Variants in GPC3 observed in about 807,000 individuals in gnomAD.
GPC3 encodes glypican-3.
A neutral mutation model predicts 34.4 loss-of-function variants in GPC3; 3 were observed. That is an observed-to-expected ratio of 0.09 (90% CI 0.04 to 0.23). The LOEUF (loss-of-function observed/expected upper bound fraction) is 0.23, where lower values mean the gene tolerates loss of function less well. Ranked by LOEUF, GPC3 falls within the 10% of genes least tolerant of loss-of-function variation. The probability of loss-of-function intolerance (pLI) is 1.00; values close to 1 mark genes in which losing one functional copy is unlikely to be tolerated. For missense variants in GPC3, 351 were observed against 445.6 expected (o/e 0.79, Z 1.91); for synonymous variants, 177 against 174.0 (o/e 1.02, Z -0.13).
At chrX:133,785,838 A>G (rs1032555681) in intron 2 of GPC3, among the ~76,000 whole-genome samples, 2 of 112,348 alleles carry the variant, frequency 1.8e-5, no homozygotes, top group Non-Finnish European at 3.8e-5. Flanking sequence ...TCAGGAAATT[A>G]AAGTTCAACG....
intron 2 of GPC3, among the ~76,000 whole-genome samples, chrX:133,888,574 C>T (rs1239235476): frequency 1.8e-5 from 2 of 112,095 alleles, no homozygotes; most frequent in Non-Finnish European, 3.8e-5. Context: ...TCCACAACCT[C>T]TCCAGCATCT....
rs149209315 is a variant in GPC3, at chrX:133,536,154, C to T, written c.1713G>A (p.Ser571=). 4.0e-5 allele frequency: 48 copies of T among 1,205,669 alleles called. No individual in the cohort carries two copies. The African/African-American group carries it at 7.6e-4, about 19-fold the overall frequency. ...PLKLLTSMAI[S]VVCFFFLVH is the part of the protein sequence containing the mutation. ...GCACCAGGAAGAAGAAGCACACCAC[C>T]GAGATGGCCATGCTGGTGAGAAGCT... The change falls in exon 8 of 8, where the codon TCG becomes TCA. Residue 571 remains serine, a synonymous_variant. Transcript: ENST00000370818.
intron 2 of GPC3, among the ~76,000 whole-genome samples, chrX:133,807,051 C>G (rs757293254): frequency 9.9e-5 from 11 of 111,588 alleles, no homozygotes. Context: ...TCATCAAGAC[C>G]AGGTGATAGA....
chrX:133,685,641 C>T (rs1294569893), intron 5 of GPC3, among the ~76,000 whole-genome samples: 3 of 110,433 alleles, frequency 2.7e-5, no homozygotes, highest in Non-Finnish European at 5.7e-5. Context: ...GAGGCAGATT[C>T]ACCACAATTT....
At chrX:133,895,561 G>A (rs1171287954) in intron 2 of GPC3, among the ~76,000 whole-genome samples, 1 of 111,455 alleles carries the variant, frequency 9.0e-6, no homozygotes, top group Admixed American at 9.6e-5. Flanking sequence ...GCAGGGCCCT[G>A]ATGACAATTT....
intron 2 of GPC3, among the ~76,000 whole-genome samples, chrX:133,878,104 G>A (rs560385192): frequency 9.9e-5 from 11 of 111,435 alleles, no homozygotes; most frequent in African/African-American, 3.3e-4. Context: ...ATTTGTAAAC[G>A]CTGAGATAAT....
At chrX:133,714,345 T>C (rs1424058958) in intron 3 of GPC3, among the ~76,000 whole-genome samples, 1 of 111,878 alleles carries the variant, frequency 8.9e-6, no homozygotes, top group Non-Finnish European at 1.9e-5. Flanking sequence ...GGAAAGCATA[T>C]CTTGAAAAAA....
At position 133,785,482 on chromosome X, in the gene GPC3, T is replaced by C. The variant is rs140211210; in HGVS notation, c.338-31306A>G. On this transcript the variant is annotated intron_variant, in intron 2 of 7. Transcript: ENST00000370818. The stretch of plus-strand genomic sequence containing the variant: ...TTTTGAGGACTAAATGAGAGATCGA[T>C]AAGTAGGTAGATAGCTAGACAGACA... 4.5e-5 allele frequency among the ~76,000 whole-genome samples: 5 copies of C among 111,921 alleles called. No individual in the cohort carries two copies. The East Asian group carries it at 1.1e-3, about 25-fold the overall frequency.
At chrX:133,956,297 C>T (rs2076416020) in intron 1 of GPC3, among the ~76,000 whole-genome samples, 2 of 112,403 alleles carry the variant, frequency 1.8e-5, no homozygotes, top group African/African-American at 3.2e-5. Flanking sequence ...AAGCTTAAAG[C>T]TTTATGATTA....
chrX:133,890,629 G>A (rs1329947304), intron 2 of GPC3, among the ~76,000 whole-genome samples: 4 of 110,064 alleles, frequency 3.6e-5, no homozygotes, highest in Admixed American at 9.8e-5. Context: ...AGGCCGACGC[G>A]GGTGGATCAT....
intron 2 of GPC3, among the ~76,000 whole-genome samples, chrX:133,829,566 A>T (rs1222738753): frequency 3.6e-5 from 4 of 112,202 alleles, no homozygotes; most frequent in Non-Finnish European, 5.6e-5. Context: ...AAGTCAGGAC[A>T]CAAAACAATT....
At chrX:133,981,745 A>T (rs2076540254) in intron 1 of GPC3, among the ~76,000 whole-genome samples, 1 of 112,189 alleles carries the variant, frequency 8.9e-6, no homozygotes, top group Admixed American at 9.5e-5. Flanking sequence ...AGTAAAAACA[A>T]CAAAAACAAA....
Position 133,536,134 on chromosome X carries a change from A to G in GPC3, c.1733T>C (p.Leu578Pro). ...MAISVVCFFF[L>P]VH is the part of the protein sequence containing the mutation. The stretch of plus-strand genomic sequence containing the variant: ...CTGGGCACCAGGCAGTCAGTGCACC[A>G]GGAAGAAGAAGCACACCACCGAGAT... The change falls in exon 8 of 8, where the codon CTG becomes CCG. Residue 578 changes from leucine (L) to proline (P), a missense_variant. Physicochemically the swap from Leu to Pro is moderately conservative, Grantham distance 98. Transcript: ENST00000370818. The G allele has an allele frequency of 1.7e-6, 2 of 1,197,123 alleles. No individual in the cohort carries two copies. Among genetic ancestry groups the G allele is most frequent in the Non-Finnish European group, 2.3e-6 (2 of 887,474 alleles).
intron 2 of GPC3, among the ~76,000 whole-genome samples, chrX:133,858,064 G>T (rs1430200345): frequency 9.0e-6 from 1 of 111,392 alleles, no homozygotes; most frequent in Non-Finnish European, 1.9e-5. Context: ...AGGTACACAG[G>T]GCATGACATA....
At chrX:133,982,464 A>T (rs1443220244) in intron 1 of GPC3, among the ~76,000 whole-genome samples, 1 of 112,268 alleles carries the variant, frequency 8.9e-6, no homozygotes, top group Non-Finnish European at 1.9e-5. Flanking sequence ...AAATGGGAAC[A>T]TGAGATTGTA....
At chrX:133,965,702 CTT>C (rs369561597) in intron 1 of GPC3, among the ~76,000 whole-genome samples, 1 of 112,007 alleles carries the variant, frequency 8.9e-6, no homozygotes. Context: ...AATACACTCT[CTT>C]TCCTCCTCTA....
At chrX:133,801,044 C>T (rs1236103773) in intron 2 of GPC3, among the ~76,000 whole-genome samples, 1 of 111,809 alleles carries the variant, frequency 8.9e-6, no homozygotes. Flanking sequence ...ACAGAATAAA[C>T]AAAAATCCCA....
intron 3 of GPC3, chrX:133,704,336 A>G: frequency 4.5e-6 from 3 of 660,598 alleles, no homozygotes; most frequent in Middle Eastern, 3.4e-4. Context: ...TAGGGCAGGG[A>G]AAATTTTATT....
At chrX:133,961,518 A>G (rs766651113) in intron 1 of GPC3, among the ~76,000 whole-genome samples, 1 of 112,047 alleles carries the variant, frequency 8.9e-6, no homozygotes, top group Admixed American at 9.4e-5. Context: ...CCAGTGGTCA[A>G]CATGTGCTCT....
Sources: allele counts gnomAD v4.1 joint callset (sites outside exome capture counted in the v4.1 genomes callset), GRCh38; gene constraint gnomAD v4.1.1; transcripts MANE v1.5; gene names NCBI Gene and HGNC (gene_info 2026-07-23, HGNC 2026-07-21).